Variants in TSNARE1 observed in about 807,000 individuals in gnomAD.
TSNARE1 encodes the protein t-SNARE domain containing 1.
A neutral mutation model predicts 62.0 loss-of-function variants in TSNARE1; 49 were observed. The observed-to-expected ratio is 0.79, with a 90% CI of 0.63 to 1.00. TSNARE1 has a LOEUF of 1.00. Among genes scored for constraint, TSNARE1 ranks in the 50% least tolerant of loss-of-function variants. The pLI, the probability that TSNARE1 is intolerant of heterozygous loss-of-function variation, is 0.00. For synonymous variants in TSNARE1, 328 were observed against 294.4 expected (o/e 1.11, Z -1.17); for missense variants, 755 against 700.1 (o/e 1.08, Z -0.88).
At chr8:142,359,450 C>A (rs1834995904) in intron 1 of TSNARE1, among the ~76,000 whole-genome samples, 1 of 152,176 alleles carries the variant, frequency 6.6e-6, no homozygotes, top group Non-Finnish European at 1.5e-5. Context: ...TCAAGAACCC[C>A]CACAGGATTG....
intron 1 of TSNARE1, among the ~76,000 whole-genome samples, chr8:142,370,925 T>C (rs1041851080): frequency 6.6e-6 from 1 of 151,204 alleles, no homozygotes; most frequent in Non-Finnish European, 1.5e-5. Context: ...GAAAAAAAGC[T>C]GCTGACCTAA....
At chr8:142,367,527 G>T (rs955598765) in intron 1 of TSNARE1, among the ~76,000 whole-genome samples, 4 of 152,160 alleles carry the variant, frequency 2.6e-5, no homozygotes, top group Non-Finnish European at 4.4e-5. Flanking sequence ...GGGCGGGGGA[G>T]GGGGAGGGGG....
chr8:142,239,288 G>A (rs1817577360), intron 12 of TSNARE1, among the ~76,000 whole-genome samples: 1 of 152,232 alleles, frequency 6.6e-6, no homozygotes, highest in Non-Finnish European at 1.5e-5. Flanking sequence ...GGTGGCCGGG[G>A]GCAGCCACGC....
At chr8:142,237,381 G>A (rs988927729) in intron 12 of TSNARE1, among the ~76,000 whole-genome samples, 4 of 152,184 alleles carry the variant, frequency 2.6e-5, no homozygotes, top group East Asian at 1.9e-4. Flanking sequence ...CGGGCGGCTC[G>A]TGGTTTTGTG....
intron 10 of TSNARE1, among the ~76,000 whole-genome samples, chr8:142,296,346 C>T (rs1441583734): frequency 2.3e-5 from 1 of 43,924 alleles, no homozygotes; most frequent in East Asian, 8.1e-4. Context: ...ATGGGGGAGG[C>T]GGTGGTCACT....
At chr8:142,255,410 C>CCATCACCATCACCACCAT (rs1818381015) in intron 12 of TSNARE1, among the ~76,000 whole-genome samples, 1 of 121,268 alleles carries the variant, frequency 8.2e-6, no homozygotes, top group Non-Finnish European at 1.8e-5. Flanking sequence ...ATCACCACCA[C>CCATCACCATCACCACCAT]CATCACCATC....
chr8:142,314,320 G>T, intron 9 of TSNARE1, 64 bp downstream of exon 9: 1 of 1,491,858 alleles, frequency 6.7e-7, no homozygotes, highest in Non-Finnish European at 9.3e-7. Flanking sequence ...ATGGAGCACA[G>T]ATGGCAGCGG....
intron 9 of TSNARE1, among the ~76,000 whole-genome samples, chr8:142,312,923 G>A (rs1179312026): frequency 6.6e-6 from 1 of 152,236 alleles, no homozygotes; most frequent in African/African-American, 2.4e-5. Flanking sequence ...ATCTGGGAAT[G>A]CGTGCCTCTC....
chr8:142,338,929 G>A lies in TSNARE1; in HGVS notation c.745+5037C>T, dbSNP rs917666911. Among the ~76,000 whole-genome samples, 8 of 152,186 alleles carry A rather than the reference G, an allele frequency of 5.3e-5. No homozygotes were observed. In the South Asian group the frequency reaches 6.2e-4, roughly 12 times the overall value. ...GGGAGCCACCATACACTGGCCCTGCGGTGAGATGCCTTGGCCCTGCTACCC... is the reference window on the plus strand; with the variant it reads ...GGGAGCCACCATACACTGGCCCTGCAGTGAGATGCCTTGGCCCTGCTACCC... On this transcript the variant is annotated intron_variant, in intron 4 of 13. Coordinates refer to ENST00000524325, the MANE Select transcript of TSNARE1 (RefSeq NM_145003.5).
intron 12 of TSNARE1, among the ~76,000 whole-genome samples, chr8:142,233,556 G>A (rs1012006745): frequency 1.3e-5 from 2 of 152,214 alleles, no homozygotes; most frequent in African/African-American, 4.8e-5. Context: ...GGCCAGGAGG[G>A]GCCGGTGTGC....
intron 1 of TSNARE1, among the ~76,000 whole-genome samples, chr8:142,359,138 G>A (rs1019316192): frequency 4.6e-5 from 7 of 151,536 alleles, no homozygotes; most frequent in African/African-American, 1.5e-4. Context: ...CCTCCACCCC[G>A]CAACCAGCTC....
intron 9 of TSNARE1, among the ~76,000 whole-genome samples, chr8:142,306,978 C>G (rs536071925): frequency 1.3e-5 from 2 of 152,342 alleles, no homozygotes; most frequent in South Asian, 2.1e-4. Flanking sequence ...AGGCCCCCAA[C>G]AGAGGAGAAC....
intron 11 of TSNARE1, chr8:142,278,869 G>A (rs1820938152): frequency 1.1e-6 from 1 of 916,336 alleles, no homozygotes. Flanking sequence ...GCACAGCGTG[G>A]GGCGGGGAAG....
chr8:142,385,197 G>T (rs776695106), intron 1 of TSNARE1, among the ~76,000 whole-genome samples: 2 of 151,942 alleles, frequency 1.3e-5, no homozygotes, highest in Non-Finnish European at 2.9e-5. Flanking sequence ...AACAACACTC[G>T]AGGTCAAAAG....
At chr8:142,274,752 C>G (rs763692761) in intron 12 of TSNARE1, 29 bp downstream of exon 12, 1 of 1,492,074 alleles carries the variant, frequency 6.7e-7, no homozygotes, top group Non-Finnish European at 9.0e-7. Context: ...CCGGGCCGGC[C>G]GGGCACTGTG....
At chr8:142,368,855 G>A (rs200549779) in intron 1 of TSNARE1, among the ~76,000 whole-genome samples, 4 of 152,194 alleles carry the variant, frequency 2.6e-5, no homozygotes, top group Admixed American at 6.5e-5. Flanking sequence ...ACCCACAGTG[G>A]CTAAGGAAGG....
chr8:142,377,679 C>A (rs556864220), intron 1 of TSNARE1, among the ~76,000 whole-genome samples: 1 of 152,336 alleles, frequency 6.6e-6, no homozygotes, highest in South Asian at 2.1e-4. Flanking sequence ...GCCTCAGACA[C>A]AGCTTGTGGG....
At chr8:142,223,287 TACTCACTCAACCAC>T (rs1816568350) in intron 13 of TSNARE1, among the ~76,000 whole-genome samples, 1 of 5,324 alleles carries the variant, frequency 1.9e-4, no homozygotes, top group Non-Finnish European at 4.3e-4. Context: ...CACTCACTCA[TACTCACTCAACCAC>T]TCACTCATTC....
At chr8:142,299,482 C>T (rs776838169) in intron 10 of TSNARE1, among the ~76,000 whole-genome samples, 12 of 152,204 alleles carry the variant, frequency 7.9e-5, no homozygotes, top group African/African-American at 2.9e-4. Flanking sequence ...AAGGGAAGGA[C>T]GTTCAAGGTC....
Sources: gnomAD v4.1 joint callset for allele counts (sites outside exome capture counted in the v4.1 genomes callset) on GRCh38, gnomAD v4.1.1 for gene constraint, MANE v1.5 for transcripts, NCBI Gene and HGNC (gene_info 2026-07-23, HGNC 2026-07-21) for gene names.